The following RABIF variants were observed in gnomAD, a reference collection of about 807,000 sequenced individuals.
The protein encoded by RABIF is RAB interacting factor.
Under a neutral mutation model 12.3 loss-of-function variants are expected in RABIF, and 13 were observed. That is an observed-to-expected ratio of 1.06 (90% confidence interval 0.69 to 1.68). The LOEUF (loss-of-function observed/expected upper bound fraction) is 1.68, where lower values mean the gene tolerates loss of function less well. RABIF is among the 40% of genes most tolerant of loss of function. RABIF has a pLI of 0.00. For synonymous variants in RABIF, 70 were observed against 63.3 expected (o/e 1.11, Z -0.50); for missense variants, 153 against 158.0 (o/e 0.97, Z 0.17).
chr1:202,882,011 G>A (rs1659498065), intron 1 of RABIF, among the ~76,000 whole-genome samples: 1 of 152,208 alleles, frequency 6.6e-6, no homozygotes, highest in Non-Finnish European at 1.5e-5. Context: ...ATTGACATAT[G>A]AACTGCACAT....
At chr1:202,886,253 G>GAGGTGGGAAGGGA (rs1659559573) in intron 1 of RABIF, among the ~76,000 whole-genome samples, 1 of 131,420 alleles carries the variant, frequency 7.6e-6, no homozygotes, top group Non-Finnish European at 1.6e-5. Flanking sequence ...GAGGGGAGGG[G>GAGGTGGGAAGGGA]AGGTGGGAAG....
chr1:202,887,312 T>A (rs1231322522), intron 1 of RABIF, among the ~76,000 whole-genome samples: 2 of 151,840 alleles, frequency 1.3e-5, no homozygotes, highest in African/African-American at 4.8e-5. Context: ...CCAACACAAA[T>A]TCGGAAACTT....
At position 202,880,088 on chromosome 1, in the gene RABIF, A is replaced by G. The variant is rs544676772; in HGVS notation, c.*890T>C. 2 of 152,254 alleles carry G rather than the reference A, an allele frequency of 1.3e-5. No individual in the cohort carries two copies. Among genetic ancestry groups the G allele is most frequent in the Non-Finnish European group, 2.9e-5 (2 of 68,044 alleles). 9.4% of individuals were successfully genotyped at this position (152,254 alleles called of 1,614,324 possible). A position where few individuals can be genotyped will look rare whatever the true frequency, so the allele number is the denominator to read the frequency against. ...TTCAGTAAATGATACTATCCATTAAAGAAGTCTTGCCTATGAACAAAAGAA... is the reference window on the plus strand; with the variant it reads ...TTCAGTAAATGATACTATCCATTAAGGAAGTCTTGCCTATGAACAAAAGAA... On this transcript the variant is annotated 3_prime_UTR_variant, in exon 2 of 2. Transcript: ENST00000367262.
intron 1 of RABIF, among the ~76,000 whole-genome samples, chr1:202,888,457 G>C (rs56090003): frequency 9.1e-4 from 139 of 152,270 alleles, no homozygotes; most frequent in Non-Finnish European, 1.3e-3. Flanking sequence ...GTTGTTCCTG[G>C]GGATCCTCTG....
At chr1:202,885,217 G>T (rs1179394784) in intron 1 of RABIF, among the ~76,000 whole-genome samples, 1 of 151,996 alleles carries the variant, frequency 6.6e-6, no homozygotes, top group Non-Finnish European at 1.5e-5. Flanking sequence ...TCCAGATATT[G>T]CTACATGTCC....
intron 1 of RABIF, among the ~76,000 whole-genome samples, chr1:202,887,099 G>GTC (rs1241111604): frequency 6.8e-6 from 1 of 148,046 alleles, no homozygotes; most frequent in Non-Finnish European, 1.5e-5. Context: ...CCATTTAGAA[G>GTC]TCTCTTAATT....
chr1:202,887,336 T>C (rs985523469), intron 1 of RABIF, among the ~76,000 whole-genome samples: 1 of 151,264 alleles, frequency 6.6e-6, no homozygotes, highest in African/African-American at 2.4e-5. Context: ...TAAAACATTA[T>C]GAAAAATTTT....
chr1:202,888,238 T>TC (rs1221640485), intron 1 of RABIF, among the ~76,000 whole-genome samples: 4 of 152,224 alleles, frequency 2.6e-5, no homozygotes, highest in Non-Finnish European at 4.4e-5. Flanking sequence ...AATTTTTTTT[T>TC]CAACTTTCTC....
At chr1:202,886,766 G>A (rs1180729721) in intron 1 of RABIF, among the ~76,000 whole-genome samples, 2 of 146,570 alleles carry the variant, frequency 1.4e-5, no homozygotes, top group African/African-American at 2.5e-5. Flanking sequence ...TTTTTGAGAC[G>A]GAGTCTCGCT....
intron 1 of RABIF, among the ~76,000 whole-genome samples, chr1:202,885,879 A>G (rs951126140): frequency 6.6e-6 from 1 of 152,164 alleles, no homozygotes; most frequent in African/African-American, 2.4e-5. Context: ...GAGTCCAGAA[A>G]AAGGGATAGG....
At chr1:202,884,924 A>G (rs1659538082) in intron 1 of RABIF, among the ~76,000 whole-genome samples, 1 of 151,742 alleles carries the variant, frequency 6.6e-6, no homozygotes, top group South Asian at 2.1e-4. Context: ...CATCTCTACT[A>G]AAAAAATGCA....
In RABIF at chr1:202,880,747, G is replaced by C; in HGVS notation, c.*231C>G. 1 of 1,284,978 alleles carries C rather than the reference G, an allele frequency of 7.8e-7. No homozygotes were observed. Among genetic ancestry groups the C allele is most frequent in the Non-Finnish European group, 9.9e-7 (1 of 1,010,910 alleles). 79.6% of individuals were successfully genotyped at this position (1,284,978 alleles called of 1,614,324 possible). A position where few individuals can be genotyped will look rare whatever the true frequency, so the allele number is the denominator to read the frequency against. On this transcript the variant is annotated 3_prime_UTR_variant, in exon 2 of 2. Coordinates refer to ENST00000367262, the MANE Select transcript of RABIF (RefSeq NM_002871.5). ...GGTAAGCACAGTGTCCCAAAACTGG[G>C]GGAAAAGGGAGCTTAGGAAATGTGA...
chr1:202,886,069 C>A (rs543573606), intron 1 of RABIF, among the ~76,000 whole-genome samples: 1 of 151,452 alleles, frequency 6.6e-6, no homozygotes, highest in Non-Finnish European at 1.5e-5. Context: ...AGAATAGGGA[C>A]CACTGTGTTC....
intron 1 of RABIF, among the ~76,000 whole-genome samples, chr1:202,881,629 G>A (rs1393593665): frequency 2.0e-5 from 3 of 152,118 alleles, no homozygotes; most frequent in Non-Finnish European, 4.4e-5. Context: ...GGATGGTCTC[G>A]ATCTCTTGAC....
At chr1:202,886,224 A>C in intron 1 of RABIF, among the ~76,000 whole-genome samples, 1 of 41,264 alleles carries the variant, frequency 2.4e-5, no homozygotes, top group Non-Finnish European at 6.7e-5. Context: ...GACAGAGCAC[A>C]ACGGGGAACG....
rs193004296 is a variant in RABIF at position 202,879,941 on chromosome 1, C to A, written c.*1037G>T. Reference sequence around the variant, plus strand: ...CTTAAACACGTCTGCTGATATCAAACTGTTAGAGCAGCCCCGGAGCTATGG... The same window carrying A: ...CTTAAACACGTCTGCTGATATCAAAATGTTAGAGCAGCCCCGGAGCTATGG... On this transcript the variant is annotated 3_prime_UTR_variant, in exon 2 of 2. Coordinates refer to ENST00000367262, the MANE Select transcript of RABIF (RefSeq NM_002871.5). 2 of 152,158 alleles carry A rather than the reference C, an allele frequency of 1.3e-5. No individual in the cohort carries two copies. Among genetic ancestry groups the A allele is most frequent in the African/African-American group, 4.8e-5 (2 of 41,428 alleles). 9.4% of individuals were successfully genotyped at this position (152,158 alleles called of 1,614,324 possible). A position where few individuals can be genotyped will look rare whatever the true frequency, so the allele number is the denominator to read the frequency against.
chr1:202,878,472 C>T lies in RABIF; in HGVS notation c.*2506G>A, dbSNP rs1393162747. 6.6e-6 allele frequency among the ~76,000 whole-genome samples: 1 copy of T among 152,152 alleles called. No homozygotes were observed. The highest frequency in any genetic ancestry group is 2.4e-5 in the African/African-American group (1 of 41,434). ...ACACAGATTTCTAAAGTATTTTGTC[C>T]AGCCTTTCTAGTTAACCAGTGAGCT... is the stretch of plus-strand genomic sequence containing the variant. On this transcript the variant is annotated 3_prime_UTR_variant, in exon 2 of 2. Coordinates refer to ENST00000367262, the MANE Select transcript of RABIF (RefSeq NM_002871.5).
rs1343328718 is a variant in RABIF at position 202,880,618 on chromosome 1, T to C, written c.*360A>G. ...AAGCATCTTTTGTTATGTGTCATCA[T>C]AGCTAAAAGGTTGAATACTGCTCTT... On this transcript the variant is annotated 3_prime_UTR_variant, in exon 2 of 2. Coordinates refer to ENST00000367262, the MANE Select transcript of RABIF (RefSeq NM_002871.5). 5 of 856,062 alleles carry C rather than the reference T, an allele frequency of 5.8e-6. No individual in the cohort carries two copies. Among genetic ancestry groups the C allele is most frequent in the East Asian group, 2.0e-4 (2 of 10,102 alleles). 53.0% of individuals were successfully genotyped at this position (856,062 alleles called of 1,614,324 possible). A position where few individuals can be genotyped will look rare whatever the true frequency, so the allele number is the denominator to read the frequency against.
chr1:202,883,972 A>G (rs574131681), intron 1 of RABIF, among the ~76,000 whole-genome samples: 1 of 152,284 alleles, frequency 6.6e-6, no homozygotes, highest in Admixed American at 6.5e-5. Context: ...GAGATTAGCT[A>G]CAACATCCGG....
Sources: allele counts gnomAD v4.1 joint callset (sites outside exome capture counted in the v4.1 genomes callset), GRCh38; gene constraint gnomAD v4.1.1; transcripts MANE v1.5; gene names NCBI Gene and HGNC (gene_info 2026-07-23, HGNC 2026-07-21).